The following HCN1 variants were observed in gnomAD, a reference collection of about 807,000 sequenced individuals.
The protein encoded by HCN1 is potassium/sodium hyperpolarization-activated cyclic nucleotide-gated channel 1.
In HCN1, 13 loss-of-function variants were observed where a neutral mutation model predicts 78.9. That is an observed-to-expected ratio of 0.16 (90% CI 0.11 to 0.26). The LOEUF is 0.26. Among genes scored for constraint, HCN1 ranks in the 10% least tolerant of loss-of-function variants. HCN1 has a pLI of 1.00. For synonymous variants in HCN1, 552 were observed against 455.5 expected (o/e 1.21, Z -2.70); for missense variants, 810 against 1,154.3 (o/e 0.70, Z 4.32).
chr5:45,292,244 T>C (rs572694726), intron 6 of HCN1, among the ~76,000 whole-genome samples: 3 of 152,142 alleles, frequency 2.0e-5, no homozygotes, highest in African/African-American at 7.2e-5. Context: ...TTGATAACTA[T>C]TTTGTACAAT....
intron 5 of HCN1, among the ~76,000 whole-genome samples, chr5:45,349,325 T>G (rs919637185): frequency 3.3e-5 from 5 of 152,010 alleles, no homozygotes; most frequent in African/African-American, 7.3e-5. Context: ...TTGAAACCAA[T>G]GAGAACAAAG....
Position 45,627,020 on chromosome 5 carries a change from C to CAT in HCN1, c.849+18163_849+18164dup, listed in dbSNP as rs552535313. Among the ~76,000 whole-genome samples, 458 of 150,482 alleles carry CAT rather than the reference C, an allele frequency of 3.0e-3. 2 individuals carry two copies. The highest frequency in any genetic ancestry group is 0.011 in the African/African-American group (433 of 41,034). Reference sequence around the variant, plus strand: ...ATATATATATATGTATGTGTGTGTACATATATATATAACTGGGTCCATTCA... The same window carrying CAT: ...ATATATATATATGTATGTGTGTGTACATATATATATATAACTGGGTCCATTCA... On this transcript the variant is annotated intron_variant, in intron 2 of 7. Transcript: ENST00000303230.
intron 2 of HCN1, among the ~76,000 whole-genome samples, chr5:45,492,751 C>G (rs532944643): frequency 9.9e-5 from 15 of 152,140 alleles, no homozygotes; most frequent in Middle Eastern, 3.4e-3. Context: ...ATCCACCAGC[C>G]TCAGCCTCCC....
At chr5:45,429,880 G>A (rs898396508) in intron 3 of HCN1, among the ~76,000 whole-genome samples, 1 of 152,150 alleles carries the variant, frequency 6.6e-6, no homozygotes, top group African/African-American at 2.4e-5. Flanking sequence ...TTTTCATGGG[G>A]CATAGGGGAG....
chr5:45,608,799 G>A (rs540896942), intron 2 of HCN1, among the ~76,000 whole-genome samples: 1 of 151,928 alleles, frequency 6.6e-6, no homozygotes, highest in South Asian at 2.1e-4. Flanking sequence ...AAAAACTTCA[G>A]TATATCAAAA....
chr5:45,539,917 GAGATAT>G (rs1743058966), intron 2 of HCN1, among the ~76,000 whole-genome samples: 1 of 65,916 alleles, frequency 1.5e-5, no homozygotes, highest in Non-Finnish European at 2.6e-5. Flanking sequence ...TTTAAATTGT[GAGATAT>G]ATATATATAT....
Position 45,378,572 on chromosome 5 carries a change from T to C in HCN1, c.1230+17920A>G, listed in dbSNP as rs1036040331. Among the ~76,000 whole-genome samples the C allele has an allele frequency of 2.6e-5, 4 of 152,084 alleles. No individual in the cohort carries two copies. In the South Asian group the frequency reaches 6.2e-4, roughly 24 times the overall value. On this transcript the variant is annotated intron_variant, in intron 4 of 7. Coordinates refer to ENST00000303230, the MANE Select transcript of HCN1 (RefSeq NM_021072.4). ...TAATTGTTGTCTATCTATCCATTCA[T>C]TGATTAATTTTCCAATGTTGGGTCA... is the stretch of plus-strand genomic sequence containing the variant.
At chr5:45,501,751 AT>A (rs1370095355) in intron 2 of HCN1, among the ~76,000 whole-genome samples, 1 of 152,034 alleles carries the variant, frequency 6.6e-6, no homozygotes, top group Non-Finnish European at 1.5e-5. Flanking sequence ...CAAATTTCAC[AT>A]TTTTTAAAGC....
At chr5:45,443,470 G>T (rs1214302766) in intron 3 of HCN1, among the ~76,000 whole-genome samples, 2 of 151,920 alleles carry the variant, frequency 1.3e-5, no homozygotes, top group Non-Finnish European at 2.9e-5. Flanking sequence ...TCTCCAACAG[G>T]TTTTCCTAAG....
intron 5 of HCN1, among the ~76,000 whole-genome samples, chr5:45,344,359 C>T (rs904010090): frequency 2.0e-5 from 3 of 152,078 alleles, no homozygotes; most frequent in Non-Finnish European, 4.4e-5. Flanking sequence ...CTGCCCCCTA[C>T]CAAATCTCAT....
intron 2 of HCN1, among the ~76,000 whole-genome samples, chr5:45,569,006 G>A (rs1262813458): frequency 1.3e-5 from 2 of 151,982 alleles, no homozygotes. Context: ...CTCTCTGACA[G>A]TCTCCTTCCC....
chr5:45,454,307 T>A (rs572287137), intron 3 of HCN1, among the ~76,000 whole-genome samples: 17 of 152,094 alleles, frequency 1.1e-4, no homozygotes, highest in South Asian at 6.2e-4. Flanking sequence ...TAGAGAGCAG[T>A]TGCCAGGCAG....
rs1744731627 is a variant in HCN1, at chr5:45,261,305, T to C, written c.*616A>G. 1 of 152,788 alleles carries C rather than the reference T, an allele frequency of 6.5e-6. No individual in the cohort carries two copies. Among genetic ancestry groups the C allele is most frequent in the Non-Finnish European group, 1.5e-5 (1 of 68,088 alleles). The allele number at this position is 152,788 out of a possible 1,614,324, so 9.5% of individuals were successfully genotyped here. On this transcript the variant is annotated 3_prime_UTR_variant, in exon 8 of 8. Coordinates refer to ENST00000303230, the MANE Select transcript of HCN1 (RefSeq NM_021072.4). ...CTTTCTGAAAGATCAATGAACATGT[T>C]TGAGGTTAGTGATATTCTTAACAAA...
chr5:45,632,884 G>A (rs1454700450), intron 2 of HCN1, among the ~76,000 whole-genome samples: 2 of 152,042 alleles, frequency 1.3e-5, no homozygotes, highest in Non-Finnish European at 1.5e-5. Flanking sequence ...GTGAAGACAA[G>A]TGAAGCATTT....
intron 1 of HCN1, among the ~76,000 whole-genome samples, chr5:45,657,476 C>T (rs1260240307): frequency 1.3e-5 from 2 of 152,084 alleles, no homozygotes; most frequent in East Asian, 3.9e-4. Context: ...GCAGATGTTG[C>T]ACTTGCTTTT....
chr5:45,424,375 T>A (rs183441771), intron 3 of HCN1, among the ~76,000 whole-genome samples: 50 of 152,112 alleles, frequency 3.3e-4, no homozygotes, highest in Admixed American at 3.1e-3. Context: ...AAGAATCGTG[T>A]CAACATATTA....
intron 2 of HCN1, among the ~76,000 whole-genome samples, chr5:45,479,574 C>T (rs1741604261): frequency 6.6e-6 from 1 of 152,132 alleles, no homozygotes; most frequent in African/African-American, 2.4e-5. Flanking sequence ...ACTGACAATA[C>T]TTGATGATGA....
intron 4 of HCN1, among the ~76,000 whole-genome samples, chr5:45,386,977 A>G (rs1747935992): frequency 6.6e-6 from 1 of 152,066 alleles, no homozygotes; most frequent in African/African-American, 2.4e-5. Flanking sequence ...CTTTTAAAAC[A>G]AATATACTAT....
intron 4 of HCN1, among the ~76,000 whole-genome samples, chr5:45,356,808 G>T (rs189823934): frequency 6.6e-6 from 1 of 152,080 alleles, no homozygotes; most frequent in East Asian, 1.9e-4. Context: ...ACAATGTAAA[G>T]GTAGATTATA....
Sources: gnomAD v4.1 joint callset for allele counts (sites outside exome capture counted in the v4.1 genomes callset) on GRCh38, gnomAD v4.1.1 for gene constraint, MANE v1.5 for transcripts, NCBI Gene and HGNC (gene_info 2026-07-23, HGNC 2026-07-21) for gene names.